The following FARP1 variants were observed in gnomAD, a reference collection of about 807,000 sequenced individuals.
FARP1 encodes FERM, ARH/RhoGEF and pleckstrin domain protein 1.
A neutral mutation model predicts 128.8 loss-of-function variants in FARP1; 52 were observed. That is an observed-to-expected ratio of 0.40 (90% CI 0.32 to 0.51). The LOEUF (loss-of-function observed/expected upper bound fraction) is 0.51, where lower values mean the gene tolerates loss of function less well. Among genes scored for constraint, FARP1 ranks in the 20% least tolerant of loss-of-function variants. The probability of loss-of-function intolerance (pLI) is 0.45; values close to 1 mark genes in which losing one functional copy is unlikely to be tolerated. For missense variants in FARP1, 1,333 were observed against 1,367.9 expected (o/e 0.97, Z 0.40); for synonymous variants, 580 against 551.8 (o/e 1.05, Z -0.72).
intron 19 of FARP1, chr13:98,435,911 A>G (rs777399826): frequency 1.0e-5 from 7 of 672,744 alleles, no homozygotes; most frequent in Middle Eastern, 2.4e-4. Flanking sequence ...CTCTGACCTC[A>G]TATTCTGCTT....
intron 2 of FARP1, among the ~76,000 whole-genome samples, chr13:98,265,646 G>C (rs1327283277): frequency 3.3e-5 from 5 of 152,164 alleles, no homozygotes; most frequent in Admixed American, 3.3e-4. Context: ...CGACATGTGA[G>C]ATCATATCCA....
At chr13:98,378,850 CAAAA>C (rs1185630914) in intron 6 of FARP1, among the ~76,000 whole-genome samples, 1 of 138,540 alleles carries the variant, frequency 7.2e-6, no homozygotes, top group Non-Finnish European at 1.5e-5. Context: ...AAGAAAAAAA[CAAAA>C]AAATAGGTAT....
intron 2 of FARP1, among the ~76,000 whole-genome samples, chr13:98,249,297 C>A (rs1883215813): frequency 6.6e-6 from 1 of 152,100 alleles, no homozygotes. Flanking sequence ...TACAACTTTG[C>A]CTTTGGAAAT....
intron 17 of FARP1, among the ~76,000 whole-genome samples, chr13:98,425,937 T>C (rs1891770190): frequency 6.6e-6 from 1 of 152,156 alleles, no homozygotes; most frequent in African/African-American, 2.4e-5. Flanking sequence ...TTTAAAGCAA[T>C]CTTCCTGAAT....
chr13:98,258,971 G>T (rs2139526545), intron 2 of FARP1, among the ~76,000 whole-genome samples: 1 of 152,336 alleles, frequency 6.6e-6, no homozygotes, highest in South Asian at 2.1e-4. Context: ...ACTTTGGGAG[G>T]CCAAGGCGGG....
At chr13:98,336,968 A>G (rs1887770938) in intron 2 of FARP1, among the ~76,000 whole-genome samples, 1 of 152,206 alleles carries the variant, frequency 6.6e-6, no homozygotes, top group African/African-American at 2.4e-5. Flanking sequence ...CCCTTCAGGA[A>G]TATTACGATT....
In FARP1 at chr13:98,143,300, C is replaced by G. The variant is rs984824354; in HGVS notation, c.-216C>G. 2 of 149,568 alleles carry G rather than the reference C, an allele frequency of 1.3e-5. No individual in the cohort carries two copies. The highest frequency in any genetic ancestry group is 4.9e-5 in the African/African-American group (2 of 41,120). The allele number at this position is 149,568 out of a possible 1,614,324, so 9.3% of individuals were successfully genotyped here. A position where few individuals can be genotyped will look rare whatever the true frequency, so the allele number is the denominator to read the frequency against. ...CACCCCGCCTGCTCCGCCCTCCCCT[C>G]CGCCCCGCGCCACCTTTGATGGCTC... On this transcript the variant is annotated 5_prime_UTR_variant, in exon 1 of 27. Coordinates refer to ENST00000319562, the MANE Select transcript of FARP1 (RefSeq NM_005766.4).
chr13:98,426,546 A>G (rs1891795570), intron 17 of FARP1, among the ~76,000 whole-genome samples: 1 of 152,168 alleles, frequency 6.6e-6, no homozygotes. Flanking sequence ...CAAGAGGAGG[A>G]TGGTCGGTGA....
rs767560325 is a variant in FARP1, at chr13:98,390,005, TG to T, written c.905del (p.Cys302SerfsTer80). 6.2e-7 allele frequency: 1 copy of T among 1,614,248 alleles called. No individual in the cohort carries two copies. Among genetic ancestry groups the T allele is most frequent in the South Asian group, 1.1e-5 (1 of 91,080 alleles). ...ATTCCTGATGGCCAGTCGGGATTTC[TG>T]CAAGTCCTTCTGGAAAATCTGTGTT... ...LEFLMASRDFCKSFWKICVEH... is the reference protein window; with the variant it reads ...LEFLMASRDFXKSFWKICVEH... On this transcript the variant is annotated frameshift_variant, in exon 10 of 27. Coordinates refer to ENST00000319562, the MANE Select transcript of FARP1 (RefSeq NM_005766.4). LOFTEE classifies it high-confidence loss of function.
At chr13:98,245,301 T>G in intron 2 of FARP1, 1 of 985,450 alleles carries the variant, frequency 1.0e-6, no homozygotes, top group Non-Finnish European at 1.2e-6. Context: ...CAGATCTACT[T>G]TAATACATGT....
At chr13:98,270,751 C>T (rs1884350505) in intron 2 of FARP1, among the ~76,000 whole-genome samples, 1 of 152,154 alleles carries the variant, frequency 6.6e-6, no homozygotes, top group African/African-American at 2.4e-5. Flanking sequence ...GATTTCTTAG[C>T]CTGAGAATTG....
chr13:98,210,550 TATC>T (rs1187516685), intron 1 of FARP1, among the ~76,000 whole-genome samples: 9 of 100,350 alleles, frequency 9.0e-5, no homozygotes, highest in Admixed American at 3.9e-4. Context: ...TTCGTTTTTC[TATC>T]TTTTCTTTTT....
At chr13:98,406,159 G>C (rs1890963339) in intron 13 of FARP1, 1 of 152,176 alleles carries the variant, frequency 6.6e-6, no homozygotes, top group African/African-American at 2.4e-5. Context: ...CTGGCTCAAA[G>C]TCAAAAGAGA....
intron 13 of FARP1, among the ~76,000 whole-genome samples, chr13:98,408,592 G>A (rs1453838327): frequency 6.6e-6 from 1 of 152,150 alleles, no homozygotes; most frequent in Non-Finnish European, 1.5e-5. Flanking sequence ...GCCTCCCAAA[G>A]TGCTGGGATT....
At chr13:98,382,923 G>C (rs1204587556) in intron 6 of FARP1, among the ~76,000 whole-genome samples, 4 of 152,170 alleles carry the variant, frequency 2.6e-5, no homozygotes, top group Admixed American at 6.5e-5. Context: ...TGTGTGTTAG[G>C]TAAGCATCGT....
chr13:98,453,013 T>C lies in FARP1; in HGVS notation c.*4696T>C. On this transcript the variant is annotated 3_prime_UTR_variant, in exon 27 of 27. Coordinates refer to ENST00000319562, the MANE Select transcript of FARP1 (RefSeq NM_005766.4). ...GAGACTTCATCTGGCTGCAGCACAG[T>C]GAAGACTGTGTGTGTCCCTGGACGG... The C allele has an allele frequency of 1.5e-6, 1 of 684,940 alleles. No individual in the cohort carries two copies. The highest frequency in any genetic ancestry group is 3.0e-5 in the Admixed American group (1 of 33,712). 42.4% of individuals were successfully genotyped at this position (684,940 alleles called of 1,614,324 possible).
At chr13:98,347,864 CTG>C (rs1285968469) in intron 3 of FARP1, among the ~76,000 whole-genome samples, 1 of 152,172 alleles carries the variant, frequency 6.6e-6, no homozygotes, top group Non-Finnish European at 1.5e-5. Context: ...CCCCATTTCT[CTG>C]TGTGTGATGT....
intron 2 of FARP1, among the ~76,000 whole-genome samples, chr13:98,313,272 C>T (rs1427987523): frequency 2.0e-5 from 3 of 150,866 alleles, no homozygotes; most frequent in African/African-American, 7.3e-5. Flanking sequence ...CACACACACA[C>T]ACTCTGGAAT....
intron 2 of FARP1, among the ~76,000 whole-genome samples, chr13:98,277,148 A>ACACACACACACACACACAC (rs372627844): frequency 1.4e-5 from 2 of 138,580 alleles, no homozygotes; most frequent in Non-Finnish European, 3.2e-5. Flanking sequence ...ACACACACAC[A>ACACACACACACACACACAC]CCCCATATGT....
Sources: gnomAD v4.1 joint callset for allele counts (sites outside exome capture counted in the v4.1 genomes callset) on GRCh38, gnomAD v4.1.1 for gene constraint, MANE v1.5 for transcripts, NCBI Gene and HGNC (gene_info 2026-07-23, HGNC 2026-07-21) for gene names.